The following KIRREL3 variants were observed in gnomAD, a reference collection of about 807,000 sequenced individuals.
KIRREL3 encodes kirre like nephrin family adhesion molecule 3.
In KIRREL3, 36 loss-of-function variants were observed where a neutral mutation model predicts 89.7. The observed-to-expected ratio is 0.40, with a 90% CI of 0.31 to 0.53. KIRREL3 has a LOEUF of 0.53. KIRREL3 is among the 20% of genes least tolerant of loss of function. The pLI is 0.49. For synonymous variants in KIRREL3, 445 were observed against 441.4 expected (o/e 1.01, Z -0.10); for missense variants, 864 against 1,056.6 (o/e 0.82, Z 2.53).
chr11:126,518,344 G>A (rs1216118867), intron 4 of KIRREL3, among the ~76,000 whole-genome samples: 1 of 152,222 alleles, frequency 6.6e-6, no homozygotes, highest in African/African-American at 2.4e-5. Context: ...ATGCACATCT[G>A]TTGGCTATAT....
intron 1 of KIRREL3, among the ~76,000 whole-genome samples, chr11:126,770,269 C>G (rs995585068): frequency 6.6e-6 from 1 of 152,116 alleles, no homozygotes; most frequent in African/African-American, 2.4e-5. Context: ...TTAAACATGC[C>G]TGAGAGAGAT....
intron 1 of KIRREL3, among the ~76,000 whole-genome samples, chr11:126,580,836 G>GTTTTTTTTTTTTTTTT (rs58691243): frequency 7.1e-6 from 1 of 140,812 alleles, no homozygotes; most frequent in Non-Finnish European, 1.5e-5. Context: ...GGAATTTCCT[G>GTTTTTTTTTTTTTTTT]TTTTTTTTTT....
chr11:126,492,937 A>G lies in KIRREL3; in HGVS notation c.434-19471T>C, dbSNP rs1300649311. 6.6e-6 allele frequency among the ~76,000 whole-genome samples: 1 copy of G among 152,160 alleles called. No homozygotes were observed. Among genetic ancestry groups the G allele is most frequent in the South Asian group, 2.1e-4 (1 of 4,826 alleles). ...GGAATTAAGTTAGACATGCCGCAGA[A>G]CTTCCTGGCCGTGGGCTGAGTGACC... On this transcript the variant is annotated intron_variant, in intron 4 of 16. Coordinates refer to ENST00000525144, the MANE Select transcript of KIRREL3 (RefSeq NM_032531.4). The surrounding 1 kb of genome is among the most constrained non-coding windows in gnomAD (Gnocchi z 4.8).
chr11:126,725,227 A>G (rs1409631824), intron 1 of KIRREL3, among the ~76,000 whole-genome samples: 1 of 152,232 alleles, frequency 6.6e-6, no homozygotes, highest in African/African-American at 2.4e-5. Flanking sequence ...GGTGCCTCGT[A>G]TGCCATGAAG....
Position 126,685,313 on chromosome 11 carries a change from A to C in KIRREL3, c.56-122401T>G, listed in dbSNP as rs1302923280. ...CATAGTCACACAGGGCCTGCCTCAC[A>C]CCCAGCACTGGGTGGGTTTTGTGCA... On this transcript the variant is annotated intron_variant, in intron 1 of 16. Transcript: ENST00000525144. This position sits in a 1 kb window ranked among gnomAD's most constrained non-coding sequence, Gnocchi z 5.5. Among the ~76,000 whole-genome samples, 2 of 152,090 alleles carry C rather than the reference A, an allele frequency of 1.3e-5. No homozygotes were observed. Among genetic ancestry groups the C allele is most frequent in the East Asian group, 3.9e-4 (2 of 5,162 alleles).
chr11:126,776,759 C>T lies in KIRREL3; in HGVS notation c.56-213847G>A, dbSNP rs1285416837. On this transcript the variant is annotated intron_variant, in intron 1 of 16. Coordinates refer to ENST00000525144, the MANE Select transcript of KIRREL3 (RefSeq NM_032531.4). This position sits in a 1 kb window ranked among gnomAD's most constrained non-coding sequence, Gnocchi z 4.7. ...AACACCACTTCTTCTTTCACCAAGTCCTCTCCCTGCTGCTCTTTCCCATGG... is the reference window on the plus strand; with the variant it reads ...AACACCACTTCTTCTTTCACCAAGTTCTCTCCCTGCTGCTCTTTCCCATGG... Among the ~76,000 whole-genome samples the T allele has an allele frequency of 1.3e-5, 2 of 152,158 alleles. No homozygotes were observed. The highest frequency in any genetic ancestry group is 3.9e-4 in the East Asian group (2 of 5,174).
At chr11:126,863,239 G>A (rs1952222012) in intron 1 of KIRREL3, among the ~76,000 whole-genome samples, 1 of 152,242 alleles carries the variant, frequency 6.6e-6, no homozygotes. Context: ...CTGCTCAGTT[G>A]CTGTTCTGTG....
intron 12 of KIRREL3, among the ~76,000 whole-genome samples, chr11:126,435,791 C>T (rs1017557471): frequency 2.6e-5 from 4 of 152,220 alleles, no homozygotes; most frequent in South Asian, 2.1e-4. Context: ...AGACCACCCA[C>T]TTGGCCTAGA....
intron 1 of KIRREL3, among the ~76,000 whole-genome samples, chr11:126,952,904 C>A (rs1948811821): frequency 6.6e-6 from 1 of 152,156 alleles, no homozygotes; most frequent in Non-Finnish European, 1.5e-5. Context: ...ATTAGTTCAA[C>A]CATTGTGGAA....
At chr11:126,790,895 A>T (rs1042924878) in intron 1 of KIRREL3, among the ~76,000 whole-genome samples, 4 of 152,184 alleles carry the variant, frequency 2.6e-5, no homozygotes, top group African/African-American at 7.2e-5. Flanking sequence ...CAAATGACGG[A>T]TGGAACCGTC....
At chr11:126,956,411 A>G (rs1279420308) in intron 1 of KIRREL3, among the ~76,000 whole-genome samples, 1 of 152,122 alleles carries the variant, frequency 6.6e-6, no homozygotes, top group Non-Finnish European at 1.5e-5. Flanking sequence ...TCATATCTTC[A>G]TCAGTCCATT....
chr11:126,985,071 C>T lies in KIRREL3; in HGVS notation c.55+15384G>A, dbSNP rs148402913. ...TGTTCTGGAACTATGAAATACTATACACATGCAAGGAAGGATTAAATTATT... is the reference window on the plus strand; with the variant it reads ...TGTTCTGGAACTATGAAATACTATATACATGCAAGGAAGGATTAAATTATT... On this transcript the variant is annotated intron_variant, in intron 1 of 16. Coordinates refer to ENST00000525144, the MANE Select transcript of KIRREL3 (RefSeq NM_032531.4). This position sits in a 1 kb window ranked among gnomAD's most constrained non-coding sequence, Gnocchi z 5.3. 3.3e-5 allele frequency among the ~76,000 whole-genome samples: 5 copies of T among 152,290 alleles called. No homozygotes were observed. In the East Asian group the frequency reaches 9.6e-4, roughly 29 times the overall value.
rs935019099 is a variant in KIRREL3 at position 126,496,144 on chromosome 11, A to C, written c.434-22678T>G. The stretch of plus-strand genomic sequence containing the variant: ...TGAGAGCTAAGAAATGATTCCTGTA[A>C]TTTTAAGCCACTGAGCTTGGAGGTG... On this transcript the variant is annotated intron_variant, in intron 4 of 16. Transcript: ENST00000525144. The surrounding 1 kb of genome is among the most constrained non-coding windows in gnomAD (Gnocchi z 4.9). 6.6e-6 allele frequency among the ~76,000 whole-genome samples: 1 copy of C among 152,194 alleles called. No individual in the cohort carries two copies. Among genetic ancestry groups the C allele is most frequent in the Non-Finnish European group, 1.5e-5 (1 of 68,042 alleles).
Position 126,687,635 on chromosome 11 carries a change from T to C in KIRREL3, c.56-124723A>G, listed in dbSNP as rs1365289254. 6.6e-6 allele frequency among the ~76,000 whole-genome samples: 1 copy of C among 152,242 alleles called. No homozygotes were observed. The highest frequency in any genetic ancestry group is 1.5e-5 in the Non-Finnish European group (1 of 68,052). ...TTCATTGATTGATAGAGTAAATCAT[T>C]GATATTTTTCCCCATTGCTTCATTC... On this transcript the variant is annotated intron_variant, in intron 1 of 16. Coordinates refer to ENST00000525144, the MANE Select transcript of KIRREL3 (RefSeq NM_032531.4). This position sits in a 1 kb window ranked among gnomAD's most constrained non-coding sequence, Gnocchi z 4.6.
chr11:126,932,354 C>T (rs532695690), intron 1 of KIRREL3, among the ~76,000 whole-genome samples: 6 of 152,178 alleles, frequency 3.9e-5, no homozygotes, highest in African/African-American at 7.2e-5. Context: ...CGGAGGTTTT[C>T]GGCCCGCACA....
Position 126,753,848 on chromosome 11 carries a change from A to G in KIRREL3, c.56-190936T>C, listed in dbSNP as rs933709007. Reference sequence around the variant, plus strand: ...CCATGCATCTTCATTACATGCTTAGAGATGATTAGATAGAAGGGTCCACAG... The same window carrying G: ...CCATGCATCTTCATTACATGCTTAGGGATGATTAGATAGAAGGGTCCACAG... On this transcript the variant is annotated intron_variant, in intron 1 of 16. Transcript: ENST00000525144. Among the ~76,000 whole-genome samples the G allele has an allele frequency of 5.3e-5, 8 of 152,300 alleles. No homozygotes were observed. The East Asian group carries it at 1.5e-3, about 29-fold the overall frequency.
chr11:126,581,317 C>G (rs1401517636), intron 1 of KIRREL3, among the ~76,000 whole-genome samples: 1 of 152,058 alleles, frequency 6.6e-6, no homozygotes, highest in Non-Finnish European at 1.5e-5. Context: ...ATTTTCCCAC[C>G]TCAGCCTCCT....
At chr11:126,941,552 C>G (rs373510938) in intron 1 of KIRREL3, among the ~76,000 whole-genome samples, 1 of 152,194 alleles carries the variant, frequency 6.6e-6, no homozygotes, top group East Asian at 1.9e-4. Flanking sequence ...CGTTGACATT[C>G]CGGCAGCCTA....
rs542460485 is a variant in KIRREL3 at position 126,645,644 on chromosome 11, G to A, written c.56-82732C>T. ...ATTCTAGGTTTCTGAAGAAGAAAAG[G>A]TAAGAAGGACTCTCAAAGCCTTTGT... On this transcript the variant is annotated intron_variant, in intron 1 of 16. Transcript: ENST00000525144. The surrounding 1 kb of genome is among the most constrained non-coding windows in gnomAD (Gnocchi z 4.9). Among the ~76,000 whole-genome samples the A allele has an allele frequency of 6.6e-6, 1 of 152,316 alleles. No homozygotes were observed. Among genetic ancestry groups the A allele is most frequent in the East Asian group, 1.9e-4 (1 of 5,192 alleles).
Sources: allele counts gnomAD v4.1 joint callset (sites outside exome capture counted in the v4.1 genomes callset), GRCh38; gene constraint gnomAD v4.1.1; non-coding constraint Gnocchi (gnomAD v3.1); transcripts MANE v1.5; gene names NCBI Gene and HGNC (gene_info 2026-07-23, HGNC 2026-07-21).